Variants in TSHZ3 observed in about 807,000 individuals in gnomAD.
The protein encoded by TSHZ3 is teashirt homolog 3.
TSHZ3 carries 10 observed loss-of-function variants against 64.5 expected under a neutral mutation model. The observed-to-expected ratio is 0.16, with a 90% CI of 0.10 to 0.26. The LOEUF is 0.26. TSHZ3 is among the 10% of genes least tolerant of loss of function. The pLI is 1.00. For synonymous variants in TSHZ3, 608 were observed against 593.1 expected (o/e 1.03, Z -0.36); for missense variants, 1,242 against 1,421.7 (o/e 0.87, Z 2.03).
At chr19:31,317,217 C>G (rs1568379280) in intron 1 of TSHZ3, among the ~76,000 whole-genome samples, 1 of 152,156 alleles carries the variant, frequency 6.6e-6, no homozygotes, top group Non-Finnish European at 1.5e-5. Context: ...GCCCCAGCCC[C>G]AGCCAGAGCC....
At chr19:31,212,171 G>A (rs1450980392) in intron 4 of TSHZ3, among the ~76,000 whole-genome samples, 1 of 152,018 alleles carries the variant, frequency 6.6e-6, no homozygotes, top group African/African-American at 2.4e-5. Context: ...AAAAGCAAAG[G>A]GTGGCCAGAC....
chr19:31,242,412 C>T (rs1394985532), exon 3 of TSHZ3, among the ~76,000 whole-genome samples: 1 of 152,162 alleles, frequency 6.6e-6, no homozygotes, highest in Non-Finnish European at 1.5e-5. Context: ...GGCCAAAGGC[C>T]TGAAAACCTG....
intron 3 of TSHZ3, among the ~76,000 whole-genome samples, chr19:31,240,699 TA>T (rs1318994356): frequency 2.0e-5 from 3 of 151,946 alleles, no homozygotes; most frequent in Non-Finnish European, 2.9e-5. Flanking sequence ...AGGTTCTGTT[TA>T]TTTTTTTTAA....
At chr19:31,265,216 G>C (rs1046797626) in intron 1 of TSHZ3, among the ~76,000 whole-genome samples, 3 of 151,716 alleles carry the variant, frequency 2.0e-5, no homozygotes, top group African/African-American at 7.3e-5. Context: ...GGCCAACATG[G>C]TGAAACCCCG....
intron 4 of TSHZ3, among the ~76,000 whole-genome samples, chr19:31,226,236 A>G (rs1011417773): frequency 1.3e-5 from 2 of 151,662 alleles, no homozygotes; most frequent in Non-Finnish European, 2.9e-5. Context: ...TTCCCATACC[A>G]TTTGATATGG....
Position 31,189,956 on chromosome 19 carries a change from A to C in TSHZ3, n.809+15000T>G, listed in dbSNP as rs1282899076. ...ATTACCCATTTATCATCAAAAAATG[A>C]CCTTCTTAATACAAGTAATAGCCTT... On this transcript the variant is annotated intron_variant and non_coding_transcript_variant, in intron 5 of 6. Coordinates refer to the TSHZ3 transcript ENST00000651361. Among the ~76,000 whole-genome samples the C allele has an allele frequency of 3.9e-5, 6 of 152,282 alleles. No homozygotes were observed. The East Asian group carries it at 1.2e-3, about 29-fold the overall frequency.
At chr19:31,248,546 T>C (rs189943720) in intron 1 of TSHZ3, among the ~76,000 whole-genome samples, 111 of 151,926 alleles carry the variant, frequency 7.3e-4, no homozygotes, top group African/African-American at 2.4e-3. Flanking sequence ...CAGTGGTCCC[T>C]GCCTGTCATC....
At chr19:31,317,907 C>T (rs1029496572) in intron 1 of TSHZ3, among the ~76,000 whole-genome samples, 11 of 152,186 alleles carry the variant, frequency 7.2e-5, no homozygotes, top group Non-Finnish European at 1.2e-4. Flanking sequence ...AGGGCCCAGC[C>T]GTATTGACTC....
At chr19:31,264,088 G>T (rs1403351605) in intron 1 of TSHZ3, among the ~76,000 whole-genome samples, 1 of 152,170 alleles carries the variant, frequency 6.6e-6, no homozygotes, top group Non-Finnish European at 1.5e-5. Flanking sequence ...GAGCATGAAT[G>T]GTTTAAATGT....
intron 1 of TSHZ3, among the ~76,000 whole-genome samples, chr19:31,253,710 A>G (rs564812249): frequency 1.3e-5 from 2 of 152,242 alleles, no homozygotes; most frequent in South Asian, 4.2e-4. Context: ...ATGCATGGGT[A>G]CGCTTTCCTG....
At chr19:31,304,262 G>A (rs959232451) in intron 1 of TSHZ3, among the ~76,000 whole-genome samples, 2 of 151,952 alleles carry the variant, frequency 1.3e-5, no homozygotes, top group African/African-American at 2.4e-5. Context: ...CTTGAGTCAC[G>A]GCGCCCAGTC....
chr19:31,318,650 A>AC (rs1158460199), intron 1 of TSHZ3, among the ~76,000 whole-genome samples: 1 of 152,226 alleles, frequency 6.6e-6, no homozygotes, highest in East Asian at 1.9e-4. Context: ...GAATAAAAGA[A>AC]CAAAAAAAAC....
intron 3 of TSHZ3, among the ~76,000 whole-genome samples, chr19:31,238,854 T>C (rs575596959): frequency 4.6e-5 from 7 of 152,332 alleles, no homozygotes; most frequent in African/African-American, 1.2e-4. Flanking sequence ...TCTATTTTCA[T>C]TGGGATGCTT....
chr19:31,349,949 G>C (rs1341997771), upstream of TSHZ3, among the ~76,000 whole-genome samples: 1 of 126,742 alleles, frequency 7.9e-6, no homozygotes, highest in Non-Finnish European at 1.7e-5. Flanking sequence ...CGCCCCGCCA[G>C]CGAAAGGGGT....
chr19:31,217,076 G>A (rs1198568769), intron 4 of TSHZ3, among the ~76,000 whole-genome samples: 1 of 152,154 alleles, frequency 6.6e-6, no homozygotes, highest in East Asian at 1.9e-4. Context: ...TGGGATTACA[G>A]GCATTAACCA....
chr19:31,284,960 C>G (rs753852861), intron 1 of TSHZ3, among the ~76,000 whole-genome samples: 18 of 152,166 alleles, frequency 1.2e-4, no homozygotes, highest in Non-Finnish European at 2.4e-4. Context: ...CCAGCCAGTC[C>G]CAGTGCAAAG....
intron 3 of TSHZ3, among the ~76,000 whole-genome samples, chr19:31,230,449 A>G (rs1165176971): frequency 1.3e-5 from 2 of 152,190 alleles, no homozygotes; most frequent in Admixed American, 6.5e-5. Context: ...ATAAAAATGT[A>G]TTACTTTTTG....
intron 1 of TSHZ3, among the ~76,000 whole-genome samples, chr19:31,312,708 G>T (rs1916495028): frequency 6.6e-6 from 1 of 152,140 alleles, no homozygotes; most frequent in African/African-American, 2.4e-5. Context: ...GGTTCATCTT[G>T]AATCACACGG....
At chr19:31,297,168 T>C (rs1976677252) in intron 1 of TSHZ3, among the ~76,000 whole-genome samples, 1 of 152,144 alleles carries the variant, frequency 6.6e-6, no homozygotes, top group Non-Finnish European at 1.5e-5. Context: ...TTCAGGCTTG[T>C]TGTTCGAGGC....
Sources: allele counts gnomAD v4.1 joint callset (sites outside exome capture counted in the v4.1 genomes callset), GRCh38; gene constraint gnomAD v4.1.1; transcripts MANE v1.5; gene names NCBI Gene and HGNC (gene_info 2026-07-23, HGNC 2026-07-21).